Variants in HAO2 observed in about 807,000 individuals in gnomAD.
HAO2 encodes the protein 2-Hydroxyacid oxidase 2.
A neutral mutation model predicts 37.4 loss-of-function variants in HAO2; 42 were observed. That is an observed-to-expected ratio of 1.12 (90% confidence interval 0.88 to 1.45). The LOEUF is 1.45. HAO2 is among the 40% of genes most tolerant of loss of function. The pLI, the probability that HAO2 is intolerant of heterozygous loss-of-function variation, is 0.00. For synonymous variants in HAO2, 180 were observed against 162.8 expected (o/e 1.11, Z -0.81); for missense variants, 476 against 430.2 (o/e 1.11, Z -0.94).
chr1:119,390,002 C>T (rs1650746311), intron 5 of HAO2, among the ~76,000 whole-genome samples: 1 of 152,130 alleles, frequency 6.6e-6, no homozygotes, highest in Non-Finnish European at 1.5e-5. Context: ...CATTGTCCTA[C>T]ATGTGGCTAG....
intron 4 of HAO2, chr1:119,385,637 C>G (rs943375334): frequency 1.0e-6 from 1 of 984,904 alleles, no homozygotes; most frequent in Non-Finnish European, 1.2e-6. Flanking sequence ...ACAAAGGGGA[C>G]CTTCCCCATT....
intron 1 of HAO2, among the ~76,000 whole-genome samples, chr1:119,373,033 G>A (rs1325218904): frequency 6.6e-6 from 1 of 152,210 alleles, no homozygotes; most frequent in African/African-American, 2.4e-5. Context: ...TTTCTCAAAT[G>A]AGGAAACTGA....
chr1:119,386,730 A>T lies in HAO2; in HGVS notation c.670A>T (p.Ile224Phe), dbSNP rs201486836. The change falls in exon 5 of 8, where the codon ATT (isoleucine) becomes TTT (phenylalanine). Residue 224 changes from isoleucine to phenylalanine, a missense_variant. By Grantham distance (21) the Ile-to-Phe change is conservative (BLOSUM62 0). Transcript: ENST00000325945. The part of the protein sequence containing the change: ...ITRLPIILKG[I>F]LTKEDAELAV... ...TCGATTGCCCATCATCCTGAAAGGG[A>T]TTTTGACAAAAGAGGATGCAGAGTT... 11 of 1,613,402 alleles carry T rather than the reference A, an allele frequency of 6.8e-6. No homozygotes were observed. The Admixed American group carries it at 1.8e-4, about 27-fold the overall frequency.
At chr1:119,381,960 G>A (rs1453673946) in intron 2 of HAO2, among the ~76,000 whole-genome samples, 1 of 152,132 alleles carries the variant, frequency 6.6e-6, no homozygotes, top group African/African-American at 2.4e-5. Flanking sequence ...GAATAACTGT[G>A]ACAAAGATTA....
At chr1:119,376,136 G>A (rs1649443335) in intron 1 of HAO2, among the ~76,000 whole-genome samples, 1 of 152,126 alleles carries the variant, frequency 6.6e-6, no homozygotes, top group Non-Finnish European at 1.5e-5. Flanking sequence ...CTACCTATGA[G>A]CCTGTAAAAT....
rs1182872245 is a variant in HAO2, at chr1:119,385,055, T to C, written c.561+2T>C. 1 of 1,605,096 alleles carries C rather than the reference T, an allele frequency of 6.2e-7. No homozygotes were observed. Among genetic ancestry groups the C allele is most frequent in the Non-Finnish European group, 8.5e-7 (1 of 1,172,994 alleles). On this transcript the variant is annotated splice_donor_variant, in intron 4 of 7. Transcript: ENST00000325945. LOFTEE classifies it high-confidence loss of function. ...ACAGATCTTCAATCACCTAAAAAGG[T>C]AAGAAAGATACCAAATTCGATGGAC... is the stretch of plus-strand genomic sequence containing the variant.
At chr1:119,390,238 C>T (rs934915644) in intron 5 of HAO2, among the ~76,000 whole-genome samples, 1 of 151,802 alleles carries the variant, frequency 6.6e-6, no homozygotes, top group African/African-American at 2.4e-5. Flanking sequence ...TTTATAGTCC[C>T]AGCATGGTAT....
chr1:119,386,412 C>T (rs75778659), intron 4 of HAO2, among the ~76,000 whole-genome samples: 5,234 of 152,110 alleles, frequency 0.034, 232 homozygotes, highest in East Asian at 0.19. Context: ...CTGTGTGTTG[C>T]CCATGCTTGT....
chr1:119,385,339 C>T (rs587720066), intron 4 of HAO2: 119 of 985,020 alleles, frequency 1.2e-4, no homozygotes, highest in Admixed American at 3.7e-4. Context: ...AGGAAAGCCA[C>T]GGAAAATATT....
intron 1 of HAO2, chr1:119,370,280 T>A (rs1310710432): frequency 2.0e-5 from 3 of 152,238 alleles, no homozygotes; most frequent in Non-Finnish European, 4.4e-5. Context: ...GAGCAGTATA[T>A]GCCTCCGCCA....
Position 119,384,997 on chromosome 1 carries a change from A to G in HAO2, c.505A>G (p.Ile169Val). The change falls in exon 4 of 8, where the codon ATT becomes GTT. Residue 169 changes from isoleucine to valine, a missense_variant. Physicochemically the swap from Ile to Val is conservative, Grantham distance 29. Coordinates refer to ENST00000325945, the MANE Select transcript of HAO2 (RefSeq NM_016527.4). Reference protein sequence around the residue: ...TPVCGNRRHDIRNQLRRNLTL... With the variant: ...TPVCGNRRHDVRNQLRRNLTL... The stretch of plus-strand genomic sequence containing the variant: ...TGTATGTGGCAACAGGCGACATGAC[A>G]TTCGAAACCAGTTGAGGAGGAACTT... 1 of 1,613,942 alleles carries G rather than the reference A, an allele frequency of 6.2e-7. No homozygotes were observed. The highest frequency in any genetic ancestry group is 8.5e-7 in the Non-Finnish European group (1 of 1,179,876).
At chr1:119,369,322 A>G (rs950797031) in intron 1 of HAO2, among the ~76,000 whole-genome samples, 3 of 152,256 alleles carry the variant, frequency 2.0e-5, no homozygotes, top group African/African-American at 7.2e-5. Flanking sequence ...CTCCTAAAAA[A>G]GTAAAGAAGT....
At chr1:119,385,627 A>G (rs1570782296) in intron 4 of HAO2, 1 of 985,232 alleles carries the variant, frequency 1.0e-6, no homozygotes, top group East Asian at 1.1e-4. Flanking sequence ...CTAGGTGACT[A>G]CAAAGGGGAC....
intron 5 of HAO2, among the ~76,000 whole-genome samples, chr1:119,387,211 T>C (rs587767106): frequency 7.2e-5 from 11 of 152,350 alleles, no homozygotes; most frequent in African/African-American, 2.6e-4. Context: ...ACACGTTTCA[T>C]GGCAAAACTC....
intron 1 of HAO2, chr1:119,370,447 G>A (rs192166914): frequency 1.7e-3 from 253 of 152,284 alleles, no homozygotes; most frequent in African/African-American, 5.7e-3. Flanking sequence ...ATCAACAGGA[G>A]GAATAATGAA....
chr1:119,372,466 A>C (rs1649111226), intron 1 of HAO2, among the ~76,000 whole-genome samples: 2 of 152,218 alleles, frequency 1.3e-5, no homozygotes, highest in Admixed American at 1.3e-4. Flanking sequence ...CAAATGAAAA[A>C]GGAAATGAGA....
At chr1:119,378,493 T>TC (rs760743182) in intron 1 of HAO2, among the ~76,000 whole-genome samples, 11 of 152,240 alleles carry the variant, frequency 7.2e-5, no homozygotes, top group Non-Finnish European at 1.2e-4. Flanking sequence ...GGAAGACTAA[T>TC]ACCTTCTCTG....
intron 4 of HAO2, chr1:119,385,841 T>C (rs910668962): frequency 2.0e-6 from 2 of 985,064 alleles, no homozygotes; most frequent in Non-Finnish European, 2.4e-6. Flanking sequence ...CTTATTCAAA[T>C]TCCAGAAGCA....
At chr1:119,380,094 G>A (rs1217688637) in intron 1 of HAO2, among the ~76,000 whole-genome samples, 1 of 152,202 alleles carries the variant, frequency 6.6e-6, no homozygotes, top group African/African-American at 2.4e-5. Flanking sequence ...GGAGTTGGCT[G>A]GAGCTTAGAA....
Sources: gnomAD v4.1 joint callset for allele counts (sites outside exome capture counted in the v4.1 genomes callset) on GRCh38, gnomAD v4.1.1 for gene constraint, MANE v1.5 for transcripts, NCBI Gene and HGNC (gene_info 2026-07-23, HGNC 2026-07-21) for gene names.